The following RASA2 variants were observed in gnomAD, a reference collection of about 807,000 sequenced individuals.
RASA2 encodes the protein RAS p21 protein activator 2, also known as ras GTPase-activating protein 2.
In RASA2, 155 loss-of-function variants were observed where a neutral mutation model predicts 118.2. The observed-to-expected ratio is 1.31, with a 90% CI of 1.15 to 1.50. RASA2 has a LOEUF of 1.50. Ranked by LOEUF, RASA2 falls within the 40% of genes most tolerant of loss-of-function variation. The pLI, the probability that RASA2 is intolerant of heterozygous loss-of-function variation, is 0.00. For synonymous variants in RASA2, 353 were observed against 349.1 expected, an observed-to-expected ratio of 1.01 and a Z score of -0.12; for missense variants, 1,016 against 1,009.6, an observed-to-expected ratio of 1.01 and a Z score of -0.09.
chr3:141,605,301 G>A (rs1038465778), intron 19 of RASA2, among the ~76,000 whole-genome samples: 1 of 152,042 alleles, frequency 6.6e-6, no homozygotes, highest in African/African-American at 2.4e-5. Context: ...ATCCATCCAC[G>A]ATGGTACTTA....
Position 141,580,579 on chromosome 3 carries a change from G to C in RASA2, c.1674+128G>C, listed in dbSNP as rs74334555. ...ATACACACACACACACACACACACA[G>C]ACACAATAGCTGTCTTTTAAGTAGA... On this transcript the variant is annotated intron_variant, in intron 16 of 23. Transcript: ENST00000286364. The C allele has an allele frequency of 6.2e-3, 2,728 of 438,416 alleles. 39 individuals carry two copies. The South Asian group carries it at 0.063, about 10-fold the overall frequency. The allele number at this position is 438,416 out of a possible 1,614,324, so 27.2% of individuals were successfully genotyped here. A position where few individuals can be genotyped will look rare whatever the true frequency, so the allele number is the denominator to read the frequency against.
intron 3 of RASA2, among the ~76,000 whole-genome samples, chr3:141,528,763 A>C (rs1368512788): frequency 6.6e-6 from 1 of 151,900 alleles, no homozygotes; most frequent in Non-Finnish European, 1.5e-5. Flanking sequence ...ATTTCTTTAC[A>C]ATTTTCTTAA....
At chr3:141,500,510 CTG>C (rs1290679954) in intron 1 of RASA2, among the ~76,000 whole-genome samples, 1 of 152,234 alleles carries the variant, frequency 6.6e-6, no homozygotes, top group Non-Finnish European at 1.5e-5. Flanking sequence ...CTTAACCTCT[CTG>C]AGCCTCAGCT....
At chr3:141,500,280 G>A (rs2081760482) in intron 1 of RASA2, among the ~76,000 whole-genome samples, 1 of 152,014 alleles carries the variant, frequency 6.6e-6, no homozygotes, top group Admixed American at 6.5e-5. Context: ...CTCTGAAGGG[G>A]GTAAATTTGA....
chr3:141,518,654 TG>T (rs1461938919), intron 3 of RASA2, among the ~76,000 whole-genome samples: 1 of 151,920 alleles, frequency 6.6e-6, no homozygotes, highest in Admixed American at 6.6e-5. Flanking sequence ...CTGGCTTCTA[TG>T]TTTTTTTGAT....
chr3:141,599,623 G>C (rs1179872004), intron 19 of RASA2, among the ~76,000 whole-genome samples: 1 of 152,182 alleles, frequency 6.6e-6, no homozygotes, highest in South Asian at 2.1e-4. Flanking sequence ...TTTTTATTGG[G>C]AAGGGAGGTT....
chr3:141,607,379 A>G (rs1269070353), intron 19 of RASA2, among the ~76,000 whole-genome samples: 1 of 152,000 alleles, frequency 6.6e-6, no homozygotes, highest in East Asian at 1.9e-4. Flanking sequence ...CAGTCCCCAT[A>G]TATAAAATTT....
intron 1 of RASA2, among the ~76,000 whole-genome samples, chr3:141,511,097 A>G (rs1322819101): frequency 1.3e-5 from 2 of 152,052 alleles, no homozygotes; most frequent in African/African-American, 4.8e-5. Flanking sequence ...TTTATTTTGG[A>G]GGTCTGCTGG....
intron 13 of RASA2, 68 bp from the exon 14 acceptor site, chr3:141,573,876 C>T (rs1054789290): frequency 5.3e-6 from 7 of 1,322,646 alleles, no homozygotes; most frequent in Admixed American, 5.1e-5. Flanking sequence ...TTACATTTTT[C>T]TTTCATGAAG....
intron 1 of RASA2, among the ~76,000 whole-genome samples, chr3:141,498,153 T>G (rs1344969645): frequency 3.3e-5 from 5 of 152,212 alleles, no homozygotes; most frequent in Admixed American, 3.3e-4. Context: ...TGTGTTAGGA[T>G]ACTTTGCAAA....
chr3:141,561,105 G>C (rs549085339), intron 9 of RASA2, among the ~76,000 whole-genome samples: 1 of 152,140 alleles, frequency 6.6e-6, no homozygotes, highest in Non-Finnish European at 1.5e-5. Context: ...ATCAAATGTA[G>C]TCACTATGAA....
rs1559799834 is a variant in RASA2 at position 141,610,478 on chromosome 3, A to ATATAT, written c.2519+412_2519+413insTATAT. 2.3e-3 allele frequency among the ~76,000 whole-genome samples: 228 copies of ATATAT among 99,910 alleles called. 3 individuals carry two copies. The highest frequency in any genetic ancestry group is 0.011 in the African/African-American group (212 of 18,530). The allele number at this position is 99,910 out of a possible 152,430, so 65.5% of individuals were successfully genotyped here. On this transcript the variant is annotated intron_variant, in intron 23 of 23. Transcript: ENST00000286364. ...TTTATATTTATATATTATATATATAAATATATATATATATATATTTAGTTT... is the reference window on the plus strand; with the variant it reads ...TTTATATTTATATATTATATATATAATATATATATATATATATATATATTTAGTTT...
At chr3:141,548,013 C>G (rs151150232) in intron 5 of RASA2, among the ~76,000 whole-genome samples, 2 of 152,282 alleles carry the variant, frequency 1.3e-5, no homozygotes, top group African/African-American at 4.8e-5. Context: ...TTGAACCATC[C>G]TTGCATCCCT....
Position 141,575,952 on chromosome 3 carries a change from T to A in RASA2, c.1484-1048T>A, listed in dbSNP as rs184096762. Among the ~76,000 whole-genome samples, 372 of 152,258 alleles carry A rather than the reference T, an allele frequency of 2.4e-3. 1 individual carries two copies. Among genetic ancestry groups the A allele is most frequent in the African/African-American group, 8.6e-3 (359 of 41,552 alleles). Reference sequence around the variant, plus strand: ...GCCTCCACGCCTGGCTAATTTTGTATTTTTAGTATAGATGGGGTTTCTCCA... The same window carrying A: ...GCCTCCACGCCTGGCTAATTTTGTAATTTTAGTATAGATGGGGTTTCTCCA... On this transcript the variant is annotated intron_variant, in intron 14 of 23. Transcript: ENST00000286364.
intron 2 of RASA2, among the ~76,000 whole-genome samples, chr3:141,513,538 A>G (rs1389097029): frequency 6.6e-6 from 1 of 152,200 alleles, no homozygotes; most frequent in Non-Finnish European, 1.5e-5. Context: ...CTTGTCTTTC[A>G]TATCATGTTT....
chr3:141,586,468 CCT>C (rs2083203635), intron 18 of RASA2, among the ~76,000 whole-genome samples, 176 bp from the exon 19 acceptor site: 3 of 152,058 alleles, frequency 2.0e-5, no homozygotes, highest in Non-Finnish European at 2.9e-5. Flanking sequence ...TAATTAAAGA[CCT>C]TATTCCTTTA....
rs749933405 is a variant in RASA2 at position 141,608,717 on chromosome 3, T to C, written c.2225+20T>C. ...TACTGCGTAAGTTTCTTTCTGATTATAAAAGCAGTGTGTCAAAATTTGATA... is the reference window on the plus strand; with the variant it reads ...TACTGCGTAAGTTTCTTTCTGATTACAAAAGCAGTGTGTCAAAATTTGATA... On this transcript the variant is annotated intron_variant, in intron 21 of 23. Coordinates refer to ENST00000286364, the MANE Select transcript of RASA2 (RefSeq NM_006506.5). 6.3e-7 allele frequency: 1 copy of C among 1,598,294 alleles called. No individual in the cohort carries two copies. The highest frequency in any genetic ancestry group is 1.1e-5 in the South Asian group (1 of 90,722).
At chr3:141,569,728 T>C (rs2082884427) in intron 9 of RASA2, among the ~76,000 whole-genome samples, 1 of 152,150 alleles carries the variant, frequency 6.6e-6, no homozygotes, top group Non-Finnish European at 1.5e-5. Context: ...TTATTATCCC[T>C]TCACCCAAGT....
intron 9 of RASA2, among the ~76,000 whole-genome samples, chr3:141,569,974 T>C (rs1428407239): frequency 6.6e-6 from 1 of 152,176 alleles, no homozygotes; most frequent in Non-Finnish European, 1.5e-5. Context: ...TTTTTCTTTC[T>C]GTGACTGCGA....
Sources: gnomAD v4.1 joint callset for allele counts (sites outside exome capture counted in the v4.1 genomes callset) on GRCh38, gnomAD v4.1.1 for gene constraint, MANE v1.5 for transcripts, NCBI Gene and HGNC (gene_info 2026-07-23, HGNC 2026-07-21) for gene names.